KAZN: variants seen among roughly 807,000 people sequenced by gnomAD.
The protein encoded by KAZN is kazrin.
In KAZN, 40 loss-of-function variants were observed where a neutral mutation model predicts 87.4. The ratio of observed to expected loss-of-function variants is 0.46; its 90% CI spans 0.36 to 0.60. The LOEUF is 0.60. Among genes scored for constraint, KAZN ranks in the 20% least tolerant of loss-of-function variants. KAZN has a pLI of 0.00. For synonymous variants in KAZN, 466 were observed against 458.3 expected (o/e 1.02, Z -0.22); for missense variants, 898 against 1,073.9 (o/e 0.84, Z 2.29).
At position 13,958,209 on chromosome 1, in the gene KAZN, C is replaced by T. The variant is rs542195366; in HGVS notation, c.91+64453C>T. 6.6e-5 allele frequency among the ~76,000 whole-genome samples: 10 copies of T among 152,256 alleles called. No homozygotes were observed. The East Asian group carries it at 7.7e-4, about 12-fold the overall frequency. On this transcript the variant is annotated intron_variant, in intron 1 of 16. Coordinates refer to the KAZN transcript ENST00000636203. ...ACAGAAGTTATTGTAATTATGCACA[C>T]GTAGATATTCAATTGCTAATTTTTA...
chr1:14,600,340 T>C (rs1676858224), intron 1 of KAZN, among the ~76,000 whole-genome samples: 1 of 151,992 alleles, frequency 6.6e-6, no homozygotes, highest in Admixed American at 6.6e-5. Flanking sequence ...GTTGAGAGAG[T>C]CTGTTTTCCT....
At chr1:14,131,412 C>T (rs924979464) in intron 1 of KAZN, among the ~76,000 whole-genome samples, 43 of 152,204 alleles carry the variant, frequency 2.8e-4, no homozygotes, top group Middle Eastern at 3.4e-3. Flanking sequence ...CAATCCGATA[C>T]GTTAGAGTTG....
chr1:14,273,555 T>A (rs1047094057), intron 2 of KAZN, among the ~76,000 whole-genome samples: 26 of 152,230 alleles, frequency 1.7e-4, no homozygotes, highest in African/African-American at 6.3e-4. Context: ...AAAAAAAATA[T>A]ACAGTTTATA....
chr1:14,787,704 C>G (rs1259497820), intron 1 of KAZN, among the ~76,000 whole-genome samples: 2 of 152,100 alleles, frequency 1.3e-5, no homozygotes, highest in Non-Finnish European at 2.9e-5. Flanking sequence ...CTCCAGGGGG[C>G]CTTTCACTGT....
intron 1 of KAZN, among the ~76,000 whole-genome samples, chr1:14,744,285 A>G (rs920849395): frequency 5.3e-5 from 8 of 152,212 alleles, no homozygotes; most frequent in Admixed American, 2.0e-4. Flanking sequence ...TCTTGACTGC[A>G]ACTCTGTAAG....
intron 1 of KAZN, among the ~76,000 whole-genome samples, chr1:14,870,060 G>A (rs1651970125): frequency 6.6e-6 from 1 of 152,198 alleles, no homozygotes; most frequent in African/African-American, 2.4e-5. Context: ...GAAAAACTCA[G>A]GGTCTCATCT....
intron 1 of KAZN, among the ~76,000 whole-genome samples, chr1:13,932,154 A>G (rs1192586571): frequency 6.6e-6 from 1 of 151,748 alleles, no homozygotes; most frequent in Non-Finnish European, 1.5e-5. Flanking sequence ...CACCATGCCC[A>G]GTCAAGTTTT....
chr1:14,910,571 T>C (rs909588588), intron 1 of KAZN, among the ~76,000 whole-genome samples: 6 of 152,130 alleles, frequency 3.9e-5, no homozygotes, highest in African/African-American at 1.4e-4. Context: ...GGGGGCAAAA[T>C]TGCCCTCTGG....
intron 2 of KAZN, among the ~76,000 whole-genome samples, chr1:14,395,507 T>C (rs1391588692): frequency 2.0e-5 from 3 of 152,146 alleles, no homozygotes; most frequent in African/African-American, 7.2e-5. Context: ...GAGAGGGCTG[T>C]GGCTGTGGCT....
At position 14,949,585 on chromosome 1, in the gene KAZN, C is replaced by T. The variant is rs1234298783; in HGVS notation, c.227-11099C>T. Among the ~76,000 whole-genome samples, 1 of 152,206 alleles carries T rather than the reference C, an allele frequency of 6.6e-6. No homozygotes were observed. The highest frequency in any genetic ancestry group is 1.5e-5 in the Non-Finnish European group (1 of 68,038). ...TTCACATTCCTCCTGGTGCCAGAAGCACCTGCCAAGTGATTTTTGTAGCCT... is the reference window on the plus strand; with the variant it reads ...TTCACATTCCTCCTGGTGCCAGAAGTACCTGCCAAGTGATTTTTGTAGCCT... On this transcript the variant is annotated intron_variant, in intron 1 of 14. Coordinates refer to ENST00000376030, the MANE Select transcript of KAZN (RefSeq NM_201628.3). The surrounding 1 kb of genome is among the most constrained non-coding windows in gnomAD (Gnocchi z 4.3).
intron 1 of KAZN, among the ~76,000 whole-genome samples, chr1:14,882,391 G>A (rs889484543): frequency 2.0e-5 from 3 of 152,206 alleles, no homozygotes; most frequent in African/African-American, 7.2e-5. Flanking sequence ...CCATGTGTTA[G>A]CTTCTCACCT....
chr1:14,050,481 T>G (rs1186642178), intron 1 of KAZN, among the ~76,000 whole-genome samples: 1 of 152,082 alleles, frequency 6.6e-6, no homozygotes, highest in Non-Finnish European at 1.5e-5. Flanking sequence ...GAAGAAGGAA[T>G]GTCTCACATG....
intron 2 of KAZN, among the ~76,000 whole-genome samples, chr1:14,409,444 T>G (rs1386064385): frequency 1.3e-5 from 2 of 152,202 alleles, no homozygotes; most frequent in Admixed American, 6.5e-5. Flanking sequence ...AGTTCCTTGA[T>G]GTAGATTCTG....
At chr1:14,164,175 T>C (rs1016905847) in intron 1 of KAZN, among the ~76,000 whole-genome samples, 13 of 152,222 alleles carry the variant, frequency 8.5e-5, no homozygotes, top group Non-Finnish European at 1.8e-4. Flanking sequence ...CTTTATTATC[T>C]TTTAGTTTCT....
At chr1:14,909,062 G>T (rs1316980818) in intron 1 of KAZN, among the ~76,000 whole-genome samples, 1 of 152,060 alleles carries the variant, frequency 6.6e-6, no homozygotes, top group Non-Finnish European at 1.5e-5. Flanking sequence ...CTCAACAGCA[G>T]TGTCCTCGGG....
At chr1:15,016,700 C>T (rs924414933) in intron 2 of KAZN, among the ~76,000 whole-genome samples, 1 of 152,194 alleles carries the variant, frequency 6.6e-6, no homozygotes, top group African/African-American at 2.4e-5. Context: ...CTCATCTGCA[C>T]AAGGCCCCTC....
chr1:14,728,179 G>C (rs940814319), intron 1 of KAZN, among the ~76,000 whole-genome samples: 1 of 150,990 alleles, frequency 6.6e-6, no homozygotes, highest in East Asian at 2.0e-4. Context: ...CCAGCTACTC[G>C]GGAGGCTGAG....
intron 1 of KAZN, among the ~76,000 whole-genome samples, chr1:14,904,962 G>A (rs915166720): frequency 2.6e-5 from 4 of 151,954 alleles, no homozygotes; most frequent in Admixed American, 6.6e-5. Context: ...GGGGTTTCAC[G>A]GTGTTAGCCA....
intron 1 of KAZN, among the ~76,000 whole-genome samples, chr1:14,957,427 G>A (rs1050648325): frequency 2.6e-5 from 4 of 152,200 alleles, no homozygotes; most frequent in African/African-American, 4.8e-5. Context: ...GTGATGTGTC[G>A]CGCAGTCACT....
Sources: gnomAD v4.1 joint callset for allele counts (sites outside exome capture counted in the v4.1 genomes callset) on GRCh38, gnomAD v4.1.1 for gene constraint, Gnocchi (gnomAD v3.1) non-coding constraint, MANE v1.5 for transcripts, NCBI Gene and HGNC (gene_info 2026-07-23, HGNC 2026-07-21) for gene names.